Variants in KLF3 observed in about 807,000 individuals in gnomAD.
KLF3 encodes the protein Krueppel-like factor 3.
In KLF3, 6 loss-of-function variants were observed where a neutral mutation model predicts 32.7. That is an observed-to-expected ratio of 0.18 (90% CI 0.10 to 0.36). KLF3 has a LOEUF of 0.36. Among genes scored for constraint, KLF3 ranks in the 10% least tolerant of loss-of-function variants. The probability of loss-of-function intolerance (pLI) is 1.00; values close to 1 mark genes in which losing one functional copy is unlikely to be tolerated. For synonymous variants in KLF3, 145 were observed against 172.8 expected (o/e 0.84, Z 1.26); for missense variants, 338 against 449.7 (o/e 0.75, Z 2.25).
chr4:38,697,333 T>C lies in KLF3; in HGVS notation c.*70T>C. 7.5e-7 allele frequency: 1 copy of C among 1,339,946 alleles called. No homozygotes were observed. The allele number at this position is 1,339,946 out of a possible 1,614,324, so 83.0% of individuals were successfully genotyped here. A position where few individuals can be genotyped will look rare whatever the true frequency, so the allele number is the denominator to read the frequency against. ...TCTCTCTCTGTCCTGCCTCCCATTATCTAACACATTTTTTACATGTACATT... is the reference window on the plus strand; with the variant it reads ...TCTCTCTCTGTCCTGCCTCCCATTACCTAACACATTTTTTACATGTACATT... On this transcript the variant is annotated 3_prime_UTR_variant, in exon 6 of 6. Coordinates refer to ENST00000261438, the MANE Select transcript of KLF3 (RefSeq NM_016531.6).
chr4:38,677,137 T>C (rs1722379857), intron 1 of KLF3, among the ~76,000 whole-genome samples: 1 of 152,096 alleles, frequency 6.6e-6, no homozygotes, highest in African/African-American at 2.4e-5. Flanking sequence ...ATTTGTTGTA[T>C]GTTTAGTAGA....
At chr4:38,669,607 C>A (rs1008276664) in intron 1 of KLF3, among the ~76,000 whole-genome samples, 1 of 152,018 alleles carries the variant, frequency 6.6e-6, no homozygotes. Flanking sequence ...AAAATAGTGT[C>A]CTCGGCCGGG....
intron 1 of KLF3, among the ~76,000 whole-genome samples, chr4:38,668,712 AGTT>A (rs1215716920): frequency 6.6e-6 from 1 of 152,216 alleles, no homozygotes; most frequent in African/African-American, 2.4e-5. Flanking sequence ...TTGGTTCCAA[AGTT>A]GTTAACAATC....
rs1212384537 is a variant in KLF3 at position 38,675,593 on chromosome 4, C to T, written c.-39-4994C>T. Among the ~76,000 whole-genome samples the T allele has an allele frequency of 5.9e-5, 9 of 152,274 alleles. 1 individual carries two copies. The East Asian group carries it at 1.7e-3, about 29-fold the overall frequency. On this transcript the variant is annotated intron_variant, in intron 1 of 5. Transcript: ENST00000261438. ...AGCCTCCTCTTCTCTGTGATACCCA[C>T]ATAAAATGATTAATAGAATTCCTGA... is the stretch of plus-strand genomic sequence containing the variant.
chr4:38,677,413 TC>T (rs2109242811), intron 1 of KLF3, among the ~76,000 whole-genome samples: 1 of 152,356 alleles, frequency 6.6e-6, no homozygotes, highest in African/African-American at 2.4e-5. Flanking sequence ...GTAATTCATT[TC>T]TAAAAGGATT....
chr4:38,676,416 G>A (rs1385976891), intron 1 of KLF3, among the ~76,000 whole-genome samples: 2 of 152,166 alleles, frequency 1.3e-5, no homozygotes, highest in Non-Finnish European at 2.9e-5. Context: ...ACTCCAGCCT[G>A]GGTGACAGAG....
intron 1 of KLF3, among the ~76,000 whole-genome samples, chr4:38,665,913 T>G (rs1722021713): frequency 6.6e-6 from 1 of 152,244 alleles, no homozygotes; most frequent in Non-Finnish European, 1.5e-5. Context: ...CTAGCATTAA[T>G]ATCTACAAAT....
At position 38,688,989 on chromosome 4, in the gene KLF3, C is replaced by T; in HGVS notation, c.462C>T (p.Pro154=). The T allele has an allele frequency of 6.2e-7, 1 of 1,614,246 alleles. No individual in the cohort carries two copies. Among genetic ancestry groups the T allele is most frequent in the Non-Finnish European group, 8.5e-7 (1 of 1,180,042 alleles). The part of the protein sequence containing the change: ...VIQPVVVQPV[P]FMYTSHLQQP... ...AGCCGGTGGTGGTGCAGCCCGTCCC[C>T]TTTATGTACACAAGTCACCTCCAGC... Residue 154 remains proline, a synonymous_variant, in exon 3 of 6, where the codon CCC becomes CCT. Transcript: ENST00000261438. The surrounding 1 kb of genome is among the most constrained non-coding windows in gnomAD (Gnocchi z 4.9).
chr4:38,667,695 T>C (rs1038774233), intron 1 of KLF3, among the ~76,000 whole-genome samples: 1 of 152,250 alleles, frequency 6.6e-6, no homozygotes, highest in Non-Finnish European at 1.5e-5. Flanking sequence ...CCTGAAGCTG[T>C]CAATTTTGGA....
In KLF3 at chr4:38,699,157, G is replaced by C. The variant is rs961484252; in HGVS notation, c.*1894G>C. The C allele has an allele frequency of 3.9e-5, 6 of 152,124 alleles. No individual in the cohort carries two copies. The highest frequency in any genetic ancestry group is 7.4e-5 in the Non-Finnish European group (5 of 68,024). The allele number at this position is 152,124 out of a possible 1,614,324, so 9.4% of individuals were successfully genotyped here. A position where few individuals can be genotyped will look rare whatever the true frequency, so the allele number is the denominator to read the frequency against. On this transcript the variant is annotated 3_prime_UTR_variant, in exon 6 of 6. Transcript: ENST00000261438. ...AAAGAAATGTGTTATCTTGGCACTT[G>C]GGTTTGATTTTCCTTTTTTTAAAGC...
intron 1 of KLF3, among the ~76,000 whole-genome samples, chr4:38,672,075 A>T (rs186041220): frequency 4.7e-4 from 71 of 152,342 alleles, no homozygotes; most frequent in African/African-American, 1.5e-3. Context: ...ATGATGGGCC[A>T]GGCTAAGGTT....
chr4:38,690,161 T>A (rs532260939), intron 4 of KLF3: 21 of 387,990 alleles, frequency 5.4e-5, no homozygotes, highest in Non-Finnish European at 5.9e-5. Flanking sequence ...TTTGTTTTTT[T>A]TCCATTCTTC....
intron 4 of KLF3, among the ~76,000 whole-genome samples, chr4:38,691,984 G>T (rs1266153653): frequency 4.6e-5 from 7 of 152,200 alleles, no homozygotes; most frequent in Non-Finnish European, 8.8e-5. Flanking sequence ...CCATTTGCTC[G>T]ATTGTGGTGT....
At chr4:38,684,943 T>G (rs1012197627) in intron 2 of KLF3, among the ~76,000 whole-genome samples, 1 of 152,220 alleles carries the variant, frequency 6.6e-6, no homozygotes, top group Admixed American at 6.5e-5. Flanking sequence ...GTCTTTGGAC[T>G]GCTCTGTTCC....
intron 1 of KLF3, among the ~76,000 whole-genome samples, chr4:38,669,248 C>A (rs1160279154): frequency 6.6e-6 from 1 of 152,086 alleles, no homozygotes; most frequent in East Asian, 1.9e-4. Flanking sequence ...TCCCTAGAAT[C>A]TTAAAACAAT....
chr4:38,682,065 AAATTACTTTTT>A (rs1184736139), intron 2 of KLF3, among the ~76,000 whole-genome samples: 1 of 152,238 alleles, frequency 6.6e-6, no homozygotes, highest in African/African-American at 2.4e-5. Flanking sequence ...TCAAAAAACT[AAATTACTTTTT>A]GAGATGGAGT....
chr4:38,692,465 T>C (rs1722902568), intron 4 of KLF3, among the ~76,000 whole-genome samples: 1 of 152,208 alleles, frequency 6.6e-6, no homozygotes, highest in African/African-American at 2.4e-5. Flanking sequence ...AAGTTACAAA[T>C]AGACTATTTT....
At chr4:38,677,725 T>TG (rs2109243045) in intron 1 of KLF3, among the ~76,000 whole-genome samples, 1 of 152,196 alleles carries the variant, frequency 6.6e-6, no homozygotes, top group South Asian at 2.1e-4. Flanking sequence ...TATTTAAGGG[T>TG]GGGGGATAGA....
chr4:38,678,108 C>T (rs936610783), intron 1 of KLF3, among the ~76,000 whole-genome samples: 1 of 152,158 alleles, frequency 6.6e-6, no homozygotes, highest in African/African-American at 2.4e-5. Flanking sequence ...TCAAGATACT[C>T]TCTAGTGGGA....
Sources: allele counts gnomAD v4.1 joint callset (sites outside exome capture counted in the v4.1 genomes callset), GRCh38; gene constraint gnomAD v4.1.1; non-coding constraint Gnocchi (gnomAD v3.1); transcripts MANE v1.5; gene names NCBI Gene and HGNC (gene_info 2026-07-23, HGNC 2026-07-21).